The following NADK variants were observed in gnomAD, a reference collection of about 807,000 sequenced individuals.
NADK encodes poly(P)/ATP NAD kinase.
In NADK, 22 loss-of-function variants were observed where a neutral mutation model predicts 49.8. That is an observed-to-expected ratio of 0.44 (90% CI 0.32 to 0.63). The LOEUF (loss-of-function observed/expected upper bound fraction) is 0.63. Ranked by LOEUF, NADK falls within the 30% of genes least tolerant of loss-of-function variation. NADK has a pLI of 0.06. For missense variants in NADK, 438 were observed against 609.4 expected (o/e 0.72, Z 2.96); for synonymous variants, 268 against 253.7 (o/e 1.06, Z -0.54).
intron 3 of NADK, among the ~76,000 whole-genome samples, chr1:1,760,539 T>C (rs1557845697): frequency 6.6e-6 from 1 of 152,146 alleles, no homozygotes. Flanking sequence ...GGCCATGCAG[T>C]GGCCGCCCCC....
intron 1 of NADK, among the ~76,000 whole-genome samples, chr1:1,776,128 G>C (rs1004669687): frequency 6.6e-6 from 1 of 152,146 alleles, no homozygotes; most frequent in Non-Finnish European, 1.5e-5. Flanking sequence ...AGGCCGTCGA[G>C]TCCCGCAAAC....
Position 1,753,534 on chromosome 1 carries a change from C to T in NADK, c.1184+33G>A, listed in dbSNP as rs372286119. ...CTGCCTGGCCCGGGGAGGAGGTTGG[C>T]AGGCAGCGCCCAGCCCGGCATGCAG... On this transcript the variant is annotated intron_variant, in intron 11 of 11. Transcript: ENST00000341426. 17 of 1,590,186 alleles carry T rather than the reference C, an allele frequency of 1.1e-5. No homozygotes were observed. In the African/African-American group the frequency reaches 1.6e-4, roughly 15 times the overall value.
intron 1 of NADK, among the ~76,000 whole-genome samples, chr1:1,770,022 C>T (rs974613721): frequency 3.3e-5 from 5 of 150,646 alleles, no homozygotes; most frequent in African/African-American, 4.9e-5. Flanking sequence ...AAAAAATTAG[C>T]CTGGAGTGGT....
intron 1 of NADK, among the ~76,000 whole-genome samples, chr1:1,767,747 C>G (rs916530124): frequency 1.3e-5 from 2 of 152,128 alleles, no homozygotes; most frequent in African/African-American, 4.8e-5. Context: ...CTCCTGGGCT[C>G]AGGTGATCCT....
Position 1,755,384 on chromosome 1 carries a change from C to T in NADK, c.678G>A (p.Gln226=), listed in dbSNP as rs755232160. The change falls in exon 7 of 12, where the codon CAG becomes CAA. Residue 226 remains glutamine (Q), a synonymous_variant. Coordinates refer to ENST00000341426, the MANE Select transcript of NADK (RefSeq NM_023018.5). The stretch of plus-strand genomic sequence containing the variant: ...AACATTCCAACTCACCCTCTATCAC[C>T]TGAGTAACTTGGGACTGAAAGTTCT... ...SFENFQSQVT[Q]VIEGNAAVVL... is the part of the protein sequence containing the mutation. 1.9e-6 allele frequency: 3 copies of T among 1,612,944 alleles called. No homozygotes were observed. The East Asian group carries it at 6.7e-5, about 36-fold the overall frequency.
intron 1 of NADK, among the ~76,000 whole-genome samples, chr1:1,768,733 G>A (rs1186761683): frequency 1.3e-5 from 2 of 152,180 alleles, no homozygotes; most frequent in East Asian, 1.9e-4. Context: ...AGAGCTCTGA[G>A]AACAAACATT....
chr1:1,769,507 C>T (rs1182355622), intron 1 of NADK, among the ~76,000 whole-genome samples: 2 of 151,992 alleles, frequency 1.3e-5, no homozygotes, highest in Admixed American at 1.3e-4. Context: ...GCCGATATCG[C>T]GCCATGGCAC....
chr1:1,769,479 A>G (rs1459213836), intron 1 of NADK, among the ~76,000 whole-genome samples: 1 of 152,078 alleles, frequency 6.6e-6, no homozygotes, highest in East Asian at 1.9e-4. Flanking sequence ...TGAACCCAGG[A>G]GGCGGTGCTT....
chr1:1,755,346 C>T (rs1557835358), intron 7 of NADK, 28 bp downstream of exon 7: 1 of 1,538,306 alleles, frequency 6.5e-7, no homozygotes, highest in Non-Finnish European at 9.0e-7. Context: ...ATCAGAGCTC[C>T]TGTGGGCTCC....
At chr1:1,759,795 TC>T (rs1308232900) in intron 3 of NADK, 2 of 1,555,506 alleles carry the variant, frequency 1.3e-6, no homozygotes, top group Admixed American at 3.9e-5. Flanking sequence ...TACGCCCTGG[TC>T]TGAGGGCTGA....
Position 1,754,177 on chromosome 1 carries a change from C to T in NADK, c.975G>A (p.Thr325=), listed in dbSNP as rs138480138. ...AGGCCCCGGCCGCGGCCGCATACGC[C>T]GTGCTGCCCGTCGGGGTGGACACGA... The part of the protein sequence containing the change: ...GVIVSTPTGS[T]AYAAAAGASM... The change falls in exon 10 of 12, where the codon ACG becomes ACA. Residue 325 remains threonine, a synonymous_variant. Coordinates refer to ENST00000341426, the MANE Select transcript of NADK (RefSeq NM_023018.5). This position sits in a 1 kb window ranked among gnomAD's most constrained non-coding sequence, Gnocchi z 4.3. The T allele has an allele frequency of 7.1e-4, 1,145 of 1,612,514 alleles. 1 individual carries two copies. In the African/African-American group the frequency reaches 0.013, roughly 18 times the overall value.
chr1:1,758,541 C>G, intron 3 of NADK: 2 of 1,587,638 alleles, frequency 1.3e-6, no homozygotes, highest in Non-Finnish European at 1.7e-6. Context: ...TCGGTATGGT[C>G]CTGACTGTGC....
chr1:1,753,608 G>T lies in NADK; in HGVS notation c.1143C>A (p.Ser381=). Residue 381 remains serine (S), a synonymous_variant, in exon 11 of 12, where the codon TCC becomes TCA. Transcript: ENST00000341426. ...TCTCTTGTCTCTTCCGTCCATCAAAGGACACCCATGCTGTGTTCCTTGCTT... is the reference window on the plus strand; with the variant it reads ...TCTCTTGTCTCTTCCGTCCATCAAATGACACCCATGCTGTGTTCCTTGCTT... ...SPEARNTAWV[S]FDGRKRQEIR... 1 of 1,612,844 alleles carries T rather than the reference G, an allele frequency of 6.2e-7. No homozygotes were observed. The highest frequency in any genetic ancestry group is 8.5e-7 in the Non-Finnish European group (1 of 1,179,440).
intron 3 of NADK, chr1:1,760,024 G>T: frequency 9.4e-7 from 1 of 1,060,736 alleles, no homozygotes. Flanking sequence ...GGAGGGCAGT[G>T]GAGCACTCTG....
intron 1 of NADK, among the ~76,000 whole-genome samples, chr1:1,767,285 C>T (rs1298497560): frequency 6.6e-6 from 1 of 152,200 alleles, no homozygotes; most frequent in East Asian, 1.9e-4. Context: ...AAGCCCTCAG[C>T]CACTTGGAAG....
At position 1,758,316 on chromosome 1, in the gene NADK, C is replaced by T. The variant is rs557233270; in HGVS notation, c.264-1006G>A. 3.2e-6 allele frequency: 5 copies of T among 1,560,058 alleles called. No individual in the cohort carries two copies. The South Asian group carries it at 5.9e-5, about 19-fold the overall frequency. On this transcript the variant is annotated intron_variant, in intron 3 of 11. Transcript: ENST00000341426. ...GACGCCGATGGCAGCCACAGGGCCA[C>T]AGACCTTAGCCCATCGCTTGTGACC...
chr1:1,777,739 G>C (rs937964460), intron 1 of NADK, among the ~76,000 whole-genome samples: 3 of 152,144 alleles, frequency 2.0e-5, no homozygotes, highest in African/African-American at 7.2e-5. Context: ...GGCCGGTGCT[G>C]ACATCTGACC....
At chr1:1,757,735 T>A (rs2100300015) in intron 3 of NADK, among the ~76,000 whole-genome samples, 1 of 152,188 alleles carries the variant, frequency 6.6e-6, no homozygotes, top group African/African-American at 2.4e-5. Flanking sequence ...CCAAACCAGT[T>A]GACATGGTGA....
intron 1 of NADK, among the ~76,000 whole-genome samples, chr1:1,770,200 A>G (rs1223288746): frequency 3.3e-5 from 5 of 151,946 alleles, no homozygotes; most frequent in African/African-American, 9.7e-5. Flanking sequence ...AAAAAAAGAA[A>G]AAAAAACCAT....
Sources: gnomAD v4.1 joint callset for allele counts (sites outside exome capture counted in the v4.1 genomes callset) on GRCh38, gnomAD v4.1.1 for gene constraint, Gnocchi (gnomAD v3.1) non-coding constraint, MANE v1.5 for transcripts, NCBI Gene and HGNC (gene_info 2026-07-23, HGNC 2026-07-21) for gene names.